Variants in PIP5K1A observed in about 807,000 individuals in gnomAD.
PIP5K1A encodes the protein phosphatidylinositol-4-phosphate 5-kinase type 1 alpha.
PIP5K1A carries 46 observed loss-of-function variants against 72.9 expected under a neutral mutation model. The observed-to-expected ratio is 0.63, with a 90% CI of 0.50 to 0.81. PIP5K1A has a LOEUF of 0.81. Among genes scored for constraint, PIP5K1A ranks in the 30% least tolerant of loss-of-function variants. The pLI, the probability that PIP5K1A is intolerant of heterozygous loss-of-function variation, is 0.00. For synonymous variants in PIP5K1A, 228 were observed against 255.1 expected, an observed-to-expected ratio of 0.89 and a Z score of 1.01; for missense variants, 458 against 706.1, an observed-to-expected ratio of 0.65 and a Z score of 3.98.
intron 1 of PIP5K1A, among the ~76,000 whole-genome samples, chr1:151,204,827 C>A (rs1685712207): frequency 6.6e-6 from 1 of 152,134 alleles, no homozygotes; most frequent in Admixed American, 6.6e-5. Context: ...ACACTCAAGC[C>A]CATTGTCAGT....
chr1:151,231,475 C>G (rs1014960959), intron 4 of PIP5K1A, among the ~76,000 whole-genome samples, 196 bp from the exon 5 acceptor site: 2 of 152,158 alleles, frequency 1.3e-5, no homozygotes, highest in African/African-American at 4.8e-5. Flanking sequence ...CACTGTCCTT[C>G]CAATCTTTAC....
intron 8 of PIP5K1A, among the ~76,000 whole-genome samples, chr1:151,235,313 C>T (rs587704807): frequency 1.3e-5 from 2 of 152,250 alleles, no homozygotes; most frequent in South Asian, 4.1e-4. Context: ...AAACTCCTGA[C>T]CTCAAATGAT....
chr1:151,219,851 C>G (rs183971709), intron 1 of PIP5K1A, among the ~76,000 whole-genome samples: 4 of 98,702 alleles, frequency 4.1e-5, no homozygotes, highest in African/African-American at 1.6e-4. Context: ...ATATTCTTTC[C>G]TTTTTTTTTT....
intron 1 of PIP5K1A, among the ~76,000 whole-genome samples, chr1:151,221,197 T>C (rs1281780656): frequency 1.3e-5 from 2 of 152,184 alleles, no homozygotes; most frequent in African/African-American, 4.8e-5. Flanking sequence ...TATACAAACA[T>C]AAGTTGTTTG....
intron 12 of PIP5K1A, among the ~76,000 whole-genome samples, chr1:151,240,797 A>G (rs1260981333): frequency 6.6e-6 from 1 of 152,192 alleles, no homozygotes; most frequent in East Asian, 1.9e-4. Context: ...AAATCTTTAC[A>G]AAGTGATAAA....
rs369052599 is a variant in PIP5K1A at position 151,229,819 on chromosome 1, C to T, written c.238-1852C>T. Among the ~76,000 whole-genome samples, 487 of 151,422 alleles carry T rather than the reference C, an allele frequency of 3.2e-3. 2 individuals carry two copies. The highest frequency in any genetic ancestry group is 0.011 in the African/African-American group (470 of 41,292). On this transcript the variant is annotated intron_variant, in intron 4 of 15. Coordinates refer to ENST00000368888, the MANE Select transcript of PIP5K1A (RefSeq NM_001135638.2). Reference sequence around the variant, plus strand: ...TAGTTGTAGGCTGGGCATGGTGGCTCATGCCTGTAATCCCAGCACTTTGGG... The same window carrying T: ...TAGTTGTAGGCTGGGCATGGTGGCTTATGCCTGTAATCCCAGCACTTTGGG...
chr1:151,244,378 C>T (rs1246760258), intron 14 of PIP5K1A, among the ~76,000 whole-genome samples: 3 of 151,942 alleles, frequency 2.0e-5, no homozygotes, highest in Non-Finnish European at 1.5e-5. Context: ...GAGGGCCAGG[C>T]GTGATGGCTC....
chr1:151,236,845 G>A (rs1570972983), intron 9 of PIP5K1A, 82 bp downstream of exon 9: 1 of 517,252 alleles, frequency 1.9e-6, no homozygotes, highest in African/African-American at 4.1e-5. Flanking sequence ...TTTTTTTTTA[G>A]TTTCACTCTT....
chr1:151,234,297 T>G lies in PIP5K1A; in HGVS notation c.740T>G (p.Leu247Arg). ...ATTCGGATTGTGGTGATGAACAATC[T>G]TTTACCAAGATCGGTAAAAATGCAT... ...KNIRIVVMNN[L>R]LPRSVKMHIK... is the part of the protein sequence containing the mutation. The change falls in exon 8 of 16, where the codon CTT becomes CGT. Residue 247 changes from leucine to arginine, a missense_variant. By Grantham distance (102) the Leu-to-Arg change is moderately radical. Coordinates refer to ENST00000368888, the MANE Select transcript of PIP5K1A (RefSeq NM_001135638.2). 6.2e-7 allele frequency: 1 copy of G among 1,613,570 alleles called. No individual in the cohort carries two copies. The highest frequency in any genetic ancestry group is 8.5e-7 in the Non-Finnish European group (1 of 1,179,500).
intron 1 of PIP5K1A, among the ~76,000 whole-genome samples, chr1:151,220,113 C>G (rs184454529): frequency 3.2e-4 from 48 of 152,058 alleles, no homozygotes; most frequent in Non-Finnish European, 2.6e-4. Flanking sequence ...TCAAGAGATT[C>G]TCCTGCCTCA....
At chr1:151,213,035 C>T (rs1166192883) in intron 1 of PIP5K1A, among the ~76,000 whole-genome samples, 1 of 151,652 alleles carries the variant, frequency 6.6e-6, no homozygotes, top group Non-Finnish European at 1.5e-5. Context: ...GAACTACAGG[C>T]GCCCGCCACC....
intron 1 of PIP5K1A, among the ~76,000 whole-genome samples, chr1:151,200,812 G>GTATTTATTTATTTATT (rs36040796): frequency 1.1e-4 from 17 of 149,452 alleles, no homozygotes; most frequent in African/African-American, 3.7e-4. Context: ...AAGTGACAGG[G>GTATTTATTTATTTATT]TATTTATTTA....
chr1:151,224,516 A>G (rs1688833714), intron 3 of PIP5K1A, 110 bp downstream of exon 3: 4 of 804,530 alleles, frequency 5.0e-6, no homozygotes, highest in South Asian at 4.5e-5. Flanking sequence ...ATATACCAAA[A>G]AGTAAATACT....
chr1:151,247,831 C>T (rs745797064), intron 15 of PIP5K1A, 32 bp from the exon 16 acceptor site: 1 of 1,583,214 alleles, frequency 6.3e-7, no homozygotes, highest in Non-Finnish European at 8.6e-7. Context: ...TCTCATACTC[C>T]ACATCCTTAA....
chr1:151,221,905 C>A (rs587746314), intron 1 of PIP5K1A, among the ~76,000 whole-genome samples: 2 of 152,056 alleles, frequency 1.3e-5, no homozygotes, highest in East Asian at 3.9e-4. Flanking sequence ...GACCTCATAT[C>A]TACAAAAAAG....
Position 151,242,288 on chromosome 1 carries a change from G to C in PIP5K1A, c.1510+19G>C, listed in dbSNP as rs200642651. 1 of 1,613,550 alleles carries C rather than the reference G, an allele frequency of 6.2e-7. No individual in the cohort carries two copies. Among genetic ancestry groups the C allele is most frequent in the Non-Finnish European group, 8.5e-7 (1 of 1,179,574 alleles). ...GAGCCAGGTCAGCGCTAGGGCTGGGGTCCCCATGTGATTGGGTACTCCCTC... is the reference window on the plus strand; with the variant it reads ...GAGCCAGGTCAGCGCTAGGGCTGGGCTCCCCATGTGATTGGGTACTCCCTC... On this transcript the variant is annotated intron_variant, in intron 13 of 15. Transcript: ENST00000368888.
intron 4 of PIP5K1A, among the ~76,000 whole-genome samples, chr1:151,228,376 C>G (rs1260161782): frequency 1.3e-5 from 2 of 152,124 alleles, no homozygotes; most frequent in African/African-American, 4.8e-5. Flanking sequence ...TCTCAAACTC[C>G]TGCCCTCAAG....
intron 1 of PIP5K1A, among the ~76,000 whole-genome samples, chr1:151,208,549 C>T (rs995290147): frequency 2.0e-5 from 3 of 149,996 alleles, no homozygotes; most frequent in African/African-American, 4.9e-5. Context: ...TTAGTAGAGA[C>T]GGGGTTTCAC....
At position 151,241,428 on chromosome 1, in the gene PIP5K1A, C is replaced by CAAGTCCCAGCTACTT. The variant is rs587600734; in HGVS notation, c.1364-695_1364-694insAAGTCCCAGCTACTT. Among the ~76,000 whole-genome samples the CAAGTCCCAGCTACTT allele has an allele frequency of 4.4e-3, 667 of 151,950 alleles. 6 individuals carry two copies. Among genetic ancestry groups the CAAGTCCCAGCTACTT allele is most frequent in the Middle Eastern group, 0.014 (4 of 292 alleles). On this transcript the variant is annotated intron_variant, in intron 12 of 15. Transcript: ENST00000368888. ...CTGAGGCAGGAGAATGGCATGAACC[C>CAAGTCCCAGCTACTT]GGGAGGCGGAGCTTGCAGTGAGCCA... is the stretch of plus-strand genomic sequence containing the variant.
Sources: allele counts gnomAD v4.1 joint callset (sites outside exome capture counted in the v4.1 genomes callset), GRCh38; gene constraint gnomAD v4.1.1; transcripts MANE v1.5; gene names NCBI Gene and HGNC (gene_info 2026-07-23, HGNC 2026-07-21).